Variants in NKAIN3 observed in about 807,000 individuals in gnomAD.
The protein encoded by NKAIN3 is sodium/potassium-transporting ATPase subunit beta-1-interacting protein 3.
NKAIN3 carries 25 observed loss-of-function variants against 30.2 expected under a neutral mutation model. The ratio of observed to expected loss-of-function variants is 0.83; its 90% CI spans 0.60 to 1.16. NKAIN3 has a LOEUF of 1.16. Among genes scored for constraint, NKAIN3 ranks in the 50% most tolerant of loss-of-function variants. The pLI, the probability that NKAIN3 is intolerant of heterozygous loss-of-function variation, is 0.00. For missense variants in NKAIN3, 225 were observed against 254.1 expected (o/e 0.89, Z 0.78); for synonymous variants, 91 against 89.6 (o/e 1.02, Z -0.09).
At chr8:62,782,480 TC>T (rs768592064) in intron 4 of NKAIN3, among the ~76,000 whole-genome samples, 2 of 151,966 alleles carry the variant, frequency 1.3e-5, no homozygotes, top group Non-Finnish European at 2.9e-5. Flanking sequence ...CACATGTCTA[TC>T]TCAGCACTAT....
intron 3 of NKAIN3, among the ~76,000 whole-genome samples, chr8:62,658,802 C>T (rs924512472): frequency 6.6e-6 from 1 of 152,110 alleles, no homozygotes; most frequent in Non-Finnish European, 1.5e-5. Flanking sequence ...CTTTCTCTTC[C>T]TTATGCCTCC....
intron 3 of NKAIN3, among the ~76,000 whole-genome samples, chr8:62,714,583 G>A (rs1352005653): frequency 6.6e-6 from 1 of 151,922 alleles, no homozygotes; most frequent in Non-Finnish European, 1.5e-5. Context: ...AAAATACCAA[G>A]GCTTAATATA....
At chr8:62,254,628 AT>A (rs11306305) in intron 1 of NKAIN3, among the ~76,000 whole-genome samples, 92,467 of 151,610 alleles carry the variant, frequency 0.61, 28,357 homozygotes, top group East Asian at 0.68. Context: ...ATATCTTTTG[AT>A]TTTTTTTTCT....
intron 1 of NKAIN3, among the ~76,000 whole-genome samples, chr8:62,399,014 C>A (rs963279011): frequency 2.0e-5 from 3 of 152,152 alleles, no homozygotes; most frequent in African/African-American, 4.8e-5. Context: ...TCACTTGAAC[C>A]CGGAAGGCAG....
chr8:62,615,209 G>T (rs1035293603), intron 3 of NKAIN3, among the ~76,000 whole-genome samples: 1 of 152,132 alleles, frequency 6.6e-6, no homozygotes, highest in Non-Finnish European at 1.5e-5. Context: ...TCTTCAGTTA[G>T]CAGGTGGTGA....
chr8:62,803,335 C>T (rs1197614381), intron 4 of NKAIN3, among the ~76,000 whole-genome samples: 1 of 152,050 alleles, frequency 6.6e-6, no homozygotes, highest in African/African-American at 2.4e-5. Flanking sequence ...CACACCACAC[C>T]TATTCCAAAA....
chr8:62,486,938 G>A (rs562527613), intron 1 of NKAIN3, among the ~76,000 whole-genome samples: 65 of 152,244 alleles, frequency 4.3e-4, no homozygotes, highest in African/African-American at 1.5e-3. Context: ...CCAACGAAGT[G>A]GAAGCAAGCA....
chr8:62,280,774 T>C (rs1319072949), intron 1 of NKAIN3, among the ~76,000 whole-genome samples: 5 of 152,188 alleles, frequency 3.3e-5, no homozygotes, highest in Non-Finnish European at 7.4e-5. Flanking sequence ...GGATTCAGTT[T>C]GCCAGTATTT....
intron 1 of NKAIN3, among the ~76,000 whole-genome samples, chr8:62,500,449 GAAAGAAAGAAAGAA>G (rs1453336659): frequency 6.0e-5 from 7 of 116,336 alleles, no homozygotes; most frequent in Admixed American, 1.8e-4. Flanking sequence ...AAGAAAGAAA[GAAAGAAAGAAAGAA>G]AGAAAGAAAG....
downstream of NKAIN3, among the ~76,000 whole-genome samples, chr8:62,988,706 A>T (rs1167697875): frequency 5.9e-5 from 9 of 152,198 alleles, no homozygotes; most frequent in African/African-American, 2.2e-4. Flanking sequence ...CTGTGATGGG[A>T]GGGGCAGCTA....
intron 3 of NKAIN3, among the ~76,000 whole-genome samples, chr8:62,615,957 C>T (rs1811441008): frequency 6.6e-6 from 1 of 151,988 alleles, no homozygotes; most frequent in Admixed American, 6.6e-5. Flanking sequence ...ATTTTTGATT[C>T]TTATGAAGGT....
intron 1 of NKAIN3, chr8:62,383,402 T>A (rs1817333836): frequency 2.4e-6 from 1 of 413,972 alleles, no homozygotes; most frequent in Non-Finnish European, 4.8e-6. Flanking sequence ...GCCTTTTCCT[T>A]CCTGCATTAG....
chr8:62,556,297 T>C (rs1809383623), intron 1 of NKAIN3, among the ~76,000 whole-genome samples: 1 of 151,878 alleles, frequency 6.6e-6, no homozygotes, highest in Non-Finnish European at 1.5e-5. Flanking sequence ...ATAACATATA[T>C]GTATGCTACC....
intron 3 of NKAIN3, among the ~76,000 whole-genome samples, chr8:62,651,143 A>G (rs972373238): frequency 2.0e-5 from 3 of 152,064 alleles, no homozygotes; most frequent in African/African-American, 7.2e-5. Flanking sequence ...TCGAAAAGAT[A>G]AAAGGATGCA....
intron 1 of NKAIN3, among the ~76,000 whole-genome samples, chr8:62,569,737 C>T (rs1050578312): frequency 1.3e-5 from 2 of 150,680 alleles, no homozygotes; most frequent in African/African-American, 4.9e-5. Context: ...GATTGCAACA[C>T]TGTACTCCAG....
intron 4 of NKAIN3, among the ~76,000 whole-genome samples, chr8:62,788,700 T>C (rs1190133687): frequency 4.6e-5 from 7 of 151,992 alleles, no homozygotes; most frequent in South Asian, 2.1e-4. Flanking sequence ...CCATCTTGAA[T>C]TAATTTTTGT....
chr8:62,377,781 G>A (rs1031646401), intron 1 of NKAIN3, among the ~76,000 whole-genome samples: 4 of 152,060 alleles, frequency 2.6e-5, no homozygotes, highest in South Asian at 4.2e-4. Context: ...GCTGCTTTCC[G>A]CCATGGTTGT....
At chr8:62,297,183 A>G (rs1446870098) in intron 1 of NKAIN3, among the ~76,000 whole-genome samples, 3 of 152,342 alleles carry the variant, frequency 2.0e-5, no homozygotes, top group African/African-American at 7.2e-5. Flanking sequence ...AAGATGGATT[A>G]AAGACTTAAA....
intron 5 of NKAIN3, among the ~76,000 whole-genome samples, chr8:62,949,317 G>A (rs1332089001): frequency 1.3e-5 from 2 of 152,110 alleles, no homozygotes; most frequent in Non-Finnish European, 2.9e-5. Context: ...CTTCATTTGT[G>A]TGTCCCATAA....
Sources: gnomAD v4.1 joint callset for allele counts (sites outside exome capture counted in the v4.1 genomes callset) on GRCh38, gnomAD v4.1.1 for gene constraint, MANE v1.5 for transcripts, NCBI Gene and HGNC (gene_info 2026-07-23, HGNC 2026-07-21) for gene names.